Variants in RAD51B observed in about 807,000 individuals in gnomAD.
RAD51B encodes the protein DNA repair protein RAD51 homolog 2.
RAD51B carries 38 observed loss-of-function variants against 42.2 expected under a neutral mutation model. That is an observed-to-expected ratio of 0.90 (90% confidence interval 0.70 to 1.18). The LOEUF is 1.18. RAD51B is among the 50% of genes most tolerant of loss of function. RAD51B has a pLI of 0.00. For missense variants in RAD51B, 373 were observed against 400.7 expected (o/e 0.93, Z 0.59); for synonymous variants, 154 against 145.2 (o/e 1.06, Z -0.43).
intron 7 of RAD51B, among the ~76,000 whole-genome samples, chr14:68,038,506 A>G (rs1437576501): frequency 6.6e-6 from 1 of 151,958 alleles, no homozygotes; most frequent in Admixed American, 6.6e-5. Flanking sequence ...GGGCAGAAAT[A>G]TTTCTTAAGT....
At chr14:68,139,268 G>GGT (rs1566675077) in intron 7 of RAD51B, among the ~76,000 whole-genome samples, 1 of 143,476 alleles carries the variant, frequency 7.0e-6, no homozygotes, top group African/African-American at 2.5e-5. Flanking sequence ...ATTCTAAATG[G>GGT]TTTTTTTTTT....
rs112626269 is a variant in RAD51B at position 68,541,579 on chromosome 14, G to T, written c.1037-52906G>T. ...TCTAGATGGCATGCGGTATTCCTTG[G>T]GTATGTTTTCTCATCCCTGAAATTT... On this transcript the variant is annotated intron_variant, in intron 10 of 10. Transcript: ENST00000487270. 3.7e-5 allele frequency: 36 copies of T among 985,212 alleles called. No homozygotes were observed. The African/African-American group carries it at 5.9e-4, about 16-fold the overall frequency. The allele number at this position is 985,212 out of a possible 1,614,324, so 61.0% of individuals were successfully genotyped here.
chr14:68,374,950 G>T (rs553019105), intron 8 of RAD51B, among the ~76,000 whole-genome samples: 20 of 151,350 alleles, frequency 1.3e-4, no homozygotes, highest in African/African-American at 4.4e-4. Flanking sequence ...GATGAGCCTC[G>T]GCTGGCGTGA....
chr14:68,567,936 G>T (rs1641267922), intron 10 of RAD51B, among the ~76,000 whole-genome samples: 1 of 152,268 alleles, frequency 6.6e-6, no homozygotes, highest in Non-Finnish European at 1.5e-5. Context: ...ATAGTTCCAG[G>T]GGTCCCGTTC....
chr14:68,514,474 C>T lies in RAD51B; in HGVS notation c.1036+46224C>T, dbSNP rs145962798. ...AAATCAGATATTTACCCTGCTCTGA[C>T]GCTCTGAAAGACATCATGCCTTGGG... On this transcript the variant is annotated intron_variant, in intron 10 of 10. Coordinates refer to the RAD51B transcript ENST00000487270. 1.9e-3 allele frequency among the ~76,000 whole-genome samples: 289 copies of T among 152,280 alleles called. 1 individual carries two copies. The highest frequency in any genetic ancestry group is 2.8e-3 in the Non-Finnish European group (192 of 68,022).
chr14:68,008,643 C>T (rs1181148900), intron 7 of RAD51B, among the ~76,000 whole-genome samples: 1 of 151,928 alleles, frequency 6.6e-6, no homozygotes, highest in Admixed American at 6.6e-5. Flanking sequence ...GAGACCTTTT[C>T]CCATTGGCCC....
intron 7 of RAD51B, among the ~76,000 whole-genome samples, chr14:68,118,496 C>A (rs762725154): frequency 3.3e-5 from 5 of 152,170 alleles, no homozygotes; most frequent in Non-Finnish European, 7.3e-5. Flanking sequence ...CCAAAAATAT[C>A]TTTGTCTCTG....
At chr14:68,333,700 T>G (rs1253889956) in intron 8 of RAD51B, among the ~76,000 whole-genome samples, 1 of 152,228 alleles carries the variant, frequency 6.6e-6, no homozygotes, top group African/African-American at 2.4e-5. Context: ...CAACATGATG[T>G]TTTAAAGTAC....
At chr14:68,079,207 T>A (rs2076878306) in intron 7 of RAD51B, among the ~76,000 whole-genome samples, 1 of 152,174 alleles carries the variant, frequency 6.6e-6, no homozygotes, top group South Asian at 2.1e-4. Context: ...TTAATTAAAT[T>A]GTTTCCCACT....
chr14:68,421,530 T>A (rs141648369), intron 9 of RAD51B, among the ~76,000 whole-genome samples: 8 of 152,280 alleles, frequency 5.3e-5, no homozygotes, highest in Non-Finnish European at 1.0e-4. Context: ...TAAACTTAAC[T>A]CTGCAATCCA....
chr14:67,895,414 TGTTATTGTA>T (rs1001337985), intron 7 of RAD51B, among the ~76,000 whole-genome samples: 1 of 152,194 alleles, frequency 6.6e-6, no homozygotes, highest in African/African-American at 2.4e-5. Flanking sequence ...CATCCTGGGT[TGTTATTGTA>T]GTATCTTAAT....
At chr14:68,523,099 T>C (rs1886692933) in intron 10 of RAD51B, among the ~76,000 whole-genome samples, 1 of 152,136 alleles carries the variant, frequency 6.6e-6, no homozygotes, top group Non-Finnish European at 1.5e-5. Flanking sequence ...ATTTGAGGAA[T>C]TTTTGTGGCC....
Position 68,414,161 on chromosome 14 carries a change from C to A in RAD51B, c.957+2634C>A, listed in dbSNP as rs151039267. Reference sequence around the variant, plus strand: ...ATTGTGTTGTCTGAGGGAAGGAGTCCTCCCTGGCTGATTATTTTCTTTACA... The same window carrying A: ...ATTGTGTTGTCTGAGGGAAGGAGTCATCCCTGGCTGATTATTTTCTTTACA... On this transcript the variant is annotated intron_variant, in intron 9 of 10. Transcript: ENST00000471583. 1.8e-4 allele frequency among the ~76,000 whole-genome samples: 27 copies of A among 152,234 alleles called. No homozygotes were observed. The East Asian group carries it at 5.0e-3, about 28-fold the overall frequency.
chr14:68,260,401 G>A (rs1327237412), intron 7 of RAD51B, among the ~76,000 whole-genome samples: 2 of 148,862 alleles, frequency 1.3e-5, no homozygotes, highest in Admixed American at 1.4e-4. Context: ...TATAACAAAG[G>A]AGATTAACAA....
chr14:68,326,110 G>A (rs893533497), intron 8 of RAD51B, among the ~76,000 whole-genome samples: 17 of 135,026 alleles, frequency 1.3e-4, no homozygotes, highest in Non-Finnish European at 2.1e-4. Context: ...GTGCAATCTC[G>A]GCTCACTGCA....
At chr14:68,329,413 T>G (rs2082305570) in intron 8 of RAD51B, among the ~76,000 whole-genome samples, 1 of 152,200 alleles carries the variant, frequency 6.6e-6, no homozygotes, top group South Asian at 2.1e-4. Flanking sequence ...CACAGCCCCA[T>G]GGAGGCTACA....
At chr14:67,992,812 A>G (rs2075317650) in intron 7 of RAD51B, among the ~76,000 whole-genome samples, 1 of 152,186 alleles carries the variant, frequency 6.6e-6, no homozygotes, top group Non-Finnish European at 1.5e-5. Context: ...AGTGTCAAAA[A>G]CAAGGTGATC....
In RAD51B at chr14:68,083,297, C is replaced by T. The variant is rs79960068; in HGVS notation, c.756+196093C>T. ...TCAGATAATTCCGTTTAGGACACAGCTGGTACATTTAATGATCACAAACTC... is the reference window on the plus strand; with the variant it reads ...TCAGATAATTCCGTTTAGGACACAGTTGGTACATTTAATGATCACAAACTC... On this transcript the variant is annotated intron_variant, in intron 7 of 10. Coordinates refer to ENST00000471583, the MANE Select transcript of RAD51B (RefSeq NM_133510.4). 2.6e-5 allele frequency among the ~76,000 whole-genome samples: 4 copies of T among 152,296 alleles called. No individual in the cohort carries two copies. In the East Asian group the frequency reaches 7.7e-4, roughly 29 times the overall value.
At chr14:68,679,377 C>A (rs1323397790) in intron 11 of RAD51B, among the ~76,000 whole-genome samples, 1 of 152,242 alleles carries the variant, frequency 6.6e-6, no homozygotes, top group African/African-American at 2.4e-5. Context: ...GTCTGACCCA[C>A]AAGTCTGTGG....
Sources: allele counts gnomAD v4.1 joint callset (sites outside exome capture counted in the v4.1 genomes callset), GRCh38; gene constraint gnomAD v4.1.1; transcripts MANE v1.5; gene names NCBI Gene and HGNC (gene_info 2026-07-23, HGNC 2026-07-21).